BRINP2: variants seen among roughly 807,000 people sequenced by gnomAD.
BRINP2 encodes BMP/retinoic acid-inducible neural-specific protein 2.
Under a neutral mutation model 69.2 loss-of-function variants are expected in BRINP2, and 21 were observed. That is an observed-to-expected ratio of 0.30 (90% CI 0.22 to 0.44). The LOEUF is 0.44. Ranked by LOEUF, BRINP2 falls within the 20% of genes least tolerant of loss-of-function variation. The pLI, the probability that BRINP2 is intolerant of heterozygous loss-of-function variation, is 1.00. For synonymous variants in BRINP2, 380 were observed against 394.1 expected (o/e 0.96, Z 0.42); for missense variants, 877 against 986.0 (o/e 0.89, Z 1.48).
rs3176441 is a variant in BRINP2 at position 177,229,862 on chromosome 1, T to C, written c.-15T>C. ...CGTGGCGAGAGAATGAAGAAACCAA[T>C]CGCCCGGGAGAAGCATGAGGTGGCA... On this transcript the variant is annotated 5_prime_UTR_variant, in exon 2 of 8. Transcript: ENST00000361539. 351,862 of 1,560,070 alleles carry C rather than the reference T, an allele frequency of 0.23. 42,528 individuals carry two copies. Among genetic ancestry groups the C allele is most frequent in the African/African-American group, 0.26 (19,238 of 73,704 alleles).
chr1:177,228,965 G>A lies in BRINP2; in HGVS notation c.-76-836G>A, dbSNP rs537770293. The stretch of plus-strand genomic sequence containing the variant: ...TCATTCATTCCTTCAAGAATGGTGT[G>A]TGAAGATCTGCTCTCAGGAGCTGGT... On this transcript the variant is annotated intron_variant, in intron 1 of 7. Transcript: ENST00000361539. Among the ~76,000 whole-genome samples, 12 of 152,310 alleles carry A rather than the reference G, an allele frequency of 7.9e-5. No individual in the cohort carries two copies. In the South Asian group the frequency reaches 2.1e-3, roughly 26 times the overall value.
intron 1 of BRINP2, among the ~76,000 whole-genome samples, chr1:177,181,448 T>C (rs1218702551): frequency 6.6e-6 from 1 of 152,156 alleles, no homozygotes; most frequent in African/African-American, 2.4e-5. Context: ...CTCCGGTTCA[T>C]GCCCCATCCC....
At chr1:177,266,863 A>T (rs962930306) in intron 4 of BRINP2, among the ~76,000 whole-genome samples, 12 of 151,972 alleles carry the variant, frequency 7.9e-5, no homozygotes, top group Non-Finnish European at 1.6e-4. Flanking sequence ...TTTCAAACAT[A>T]TGCCTCTTTT....
chr1:177,251,267 C>A (rs372821071), intron 2 of BRINP2, among the ~76,000 whole-genome samples: 1 of 152,058 alleles, frequency 6.6e-6, no homozygotes, highest in Admixed American at 6.5e-5. Context: ...CATTTTGCTG[C>A]GGTGTAAATG....
chr1:177,231,714 TC>T (rs553935587), intron 2 of BRINP2, among the ~76,000 whole-genome samples: 199 of 152,324 alleles, frequency 1.3e-3, no homozygotes, highest in African/African-American at 4.7e-3. Context: ...CAGTTCACAC[TC>T]CCTGCTTTGG....
chr1:177,258,163 T>C (rs1316901677), intron 4 of BRINP2, among the ~76,000 whole-genome samples: 1 of 152,198 alleles, frequency 6.6e-6, no homozygotes, highest in Admixed American at 6.5e-5. Flanking sequence ...CATCATATCT[T>C]CTCTACTTAC....
chr1:177,191,558 G>A (rs1046998502), intron 1 of BRINP2, among the ~76,000 whole-genome samples: 8 of 152,138 alleles, frequency 5.3e-5, no homozygotes, highest in Non-Finnish European at 1.2e-4. Flanking sequence ...GGGATCAAGC[G>A]ATTCTCCTGC....
At chr1:177,191,468 G>A (rs1648593073) in intron 1 of BRINP2, among the ~76,000 whole-genome samples, 1 of 151,628 alleles carries the variant, frequency 6.6e-6, no homozygotes, top group Admixed American at 6.6e-5. Context: ...CTCTTTTTTT[G>A]TTTTGAGATG....
At position 177,276,314 on chromosome 1, in the gene BRINP2, A is replaced by C; in HGVS notation, c.892A>C (p.Lys298Gln). 3 of 1,614,220 alleles carry C rather than the reference A, an allele frequency of 1.9e-6. No homozygotes were observed. The South Asian group carries it at 3.3e-5, about 18-fold the overall frequency. Residue 298 changes from lysine to glutamine, a missense_variant, in exon 6 of 8, where the codon AAG becomes CAG. Physicochemically the swap from Lys to Gln is moderately conservative, Grantham distance 53. This residue lies in a region of BRINP2 where 566 missense variants were observed against 625.2 expected (regional missense o/e 0.91). Coordinates refer to ENST00000361539, the MANE Select transcript of BRINP2 (RefSeq NM_021165.4). ...LVCKENDCWC[K>Q]CSPTFPECNC... The stretch of plus-strand genomic sequence containing the variant: ...CTGCAAGGAGAATGACTGCTGGTGC[A>C]AGTGCAGCCCCACCTTCCCTGAATG...
Position 177,279,311 on chromosome 1 carries a change from A to C in BRINP2, c.1235+526A>C, listed in dbSNP as rs569936395. ...AATCCGTATTCCATGCCTTACTATTAAGCTGCAGGGGTATTCATGAATTGG... is the reference window on the plus strand; with the variant it reads ...AATCCGTATTCCATGCCTTACTATTCAGCTGCAGGGGTATTCATGAATTGG... On this transcript the variant is annotated intron_variant, in intron 7 of 7. Transcript: ENST00000361539. 2.6e-5 allele frequency among the ~76,000 whole-genome samples: 4 copies of C among 152,306 alleles called. No individual in the cohort carries two copies. The South Asian group carries it at 8.3e-4, about 32-fold the overall frequency.
chr1:177,258,457 T>C (rs1415012877), intron 4 of BRINP2, among the ~76,000 whole-genome samples: 1 of 152,262 alleles, frequency 6.6e-6, no homozygotes, highest in African/African-American at 2.4e-5. Flanking sequence ...GTTCCTGCCC[T>C]GATAAAGCTT....
chr1:177,267,477 T>C (rs1651165054), intron 4 of BRINP2, among the ~76,000 whole-genome samples: 1 of 152,228 alleles, frequency 6.6e-6, no homozygotes, highest in Non-Finnish European at 1.5e-5. Context: ...TTCTATTTTA[T>C]CTCTTGGTCA....
intron 1 of BRINP2, among the ~76,000 whole-genome samples, chr1:177,210,069 C>T (rs528029161): frequency 6.6e-6 from 1 of 152,280 alleles, no homozygotes; most frequent in South Asian, 2.1e-4. Context: ...CTTTTATTAT[C>T]ATTACAGGAG....
chr1:177,256,198 T>C, intron 3 of BRINP2, 89 bp downstream of exon 3: 1 of 1,480,056 alleles, frequency 6.8e-7, no homozygotes, highest in Non-Finnish European at 9.1e-7. Context: ...AACAGTCTTA[T>C]CTTCTTCCGG....
At chr1:177,186,911 C>T (rs561856252) in intron 1 of BRINP2, among the ~76,000 whole-genome samples, 7 of 152,254 alleles carry the variant, frequency 4.6e-5, no homozygotes, top group East Asian at 1.9e-4. Flanking sequence ...AAACAATATG[C>T]GCCTTTTAAT....
chr1:177,270,008 A>G (rs1338406550), intron 4 of BRINP2, among the ~76,000 whole-genome samples: 1 of 150,456 alleles, frequency 6.6e-6, no homozygotes, highest in African/African-American at 2.4e-5. Flanking sequence ...TGCCTCTTCT[A>G]CAAAGAAAAG....
intron 6 of BRINP2, 54 bp downstream of exon 6, chr1:177,276,488 C>G: frequency 6.6e-7 from 1 of 1,523,300 alleles, no homozygotes; most frequent in Non-Finnish European, 9.1e-7. Flanking sequence ...AGGTACAGAG[C>G]AAGAACATGG....
At chr1:177,279,435 C>T (rs1051206215) in intron 7 of BRINP2, among the ~76,000 whole-genome samples, 3 of 152,224 alleles carry the variant, frequency 2.0e-5, no homozygotes, top group Non-Finnish European at 4.4e-5. Flanking sequence ...CGGATAGTCT[C>T]CTAGAGGTAA....
At chr1:177,219,947 A>G (rs1415993043) in intron 1 of BRINP2, among the ~76,000 whole-genome samples, 1 of 152,172 alleles carries the variant, frequency 6.6e-6, no homozygotes, top group African/African-American at 2.4e-5. Context: ...AGGGACAGAG[A>G]AGGGTCTCTC....
Sources: gnomAD v4.1 joint callset for allele counts (sites outside exome capture counted in the v4.1 genomes callset) on GRCh38, gnomAD v4.1.1 for gene constraint, gnomAD v4.1.1 regional missense constraint, MANE v1.5 for transcripts, NCBI Gene and HGNC (gene_info 2026-07-23, HGNC 2026-07-21) for gene names.